Variants in DPYSL2 observed in about 807,000 individuals in gnomAD.
DPYSL2 encodes the protein dihydropyrimidinase like 2, also known as dihydropyrimidinase-related protein 2.
In DPYSL2, 13 loss-of-function variants were observed where a neutral mutation model predicts 69.9. The ratio of observed to expected loss-of-function variants is 0.19; its 90% CI spans 0.12 to 0.30. The LOEUF is 0.30. Ranked by LOEUF, DPYSL2 falls within the 10% of genes least tolerant of loss-of-function variation. The pLI, the probability that DPYSL2 is intolerant of heterozygous loss-of-function variation, is 1.00. For missense variants in DPYSL2, 587 were observed against 918.9 expected (o/e 0.64, Z 4.67); for synonymous variants, 326 against 359.1 (o/e 0.91, Z 1.04).
chr8:26,551,108 T>C (rs926032746), intron 1 of DPYSL2, among the ~76,000 whole-genome samples: 4 of 152,180 alleles, frequency 2.6e-5, no homozygotes, highest in African/African-American at 9.7e-5. Flanking sequence ...AACCCAATTA[T>C]TCTAATCAAA....
chr8:26,560,199 A>G lies in DPYSL2; in HGVS notation c.355-21770A>G, dbSNP rs1031791668. ...CGGCCTTGGCAGCTCACTCTGCCTG[A>G]ACCTGGGTGGCAGGGGCTGCATGTT... On this transcript the variant is annotated intron_variant, in intron 1 of 13. Coordinates refer to ENST00000521913, the MANE Select transcript of DPYSL2 (RefSeq NM_001197293.3). This position sits in a 1 kb window ranked among gnomAD's most constrained non-coding sequence, Gnocchi z 4.4. Among the ~76,000 whole-genome samples the G allele has an allele frequency of 6.6e-6, 1 of 152,172 alleles. No homozygotes were observed. Among genetic ancestry groups the G allele is most frequent in the Non-Finnish European group, 1.5e-5 (1 of 68,030 alleles).
Position 26,575,983 on chromosome 8 carries a change from C to A in DPYSL2, c.355-5986C>A, listed in dbSNP as rs114298522. 7.3e-3 allele frequency among the ~76,000 whole-genome samples: 1,111 copies of A among 152,268 alleles called. 14 individuals carry two copies. Among genetic ancestry groups the A allele is most frequent in the African/African-American group, 0.026 (1,068 of 41,544 alleles). On this transcript the variant is annotated intron_variant, in intron 1 of 13. Coordinates refer to ENST00000521913, the MANE Select transcript of DPYSL2 (RefSeq NM_001197293.3). ...GGCGTATTTTAAGCTTTCTCAGACT[C>A]GTGACTTTAACCATTACCGGTTGAC...
intron 1 of DPYSL2, among the ~76,000 whole-genome samples, chr8:26,538,520 G>A (rs1172124596): frequency 6.6e-6 from 1 of 152,168 alleles, no homozygotes; most frequent in Non-Finnish European, 1.5e-5. Flanking sequence ...TCACTGCCAA[G>A]GAACACTAAC....
chr8:26,599,953 A>G (rs1044337092), intron 3 of DPYSL2, among the ~76,000 whole-genome samples: 1 of 152,158 alleles, frequency 6.6e-6, no homozygotes, highest in African/African-American at 2.4e-5. Context: ...GCCCATGGCA[A>G]CCACTACATT....
chr8:26,623,630 C>T (rs971204907), intron 3 of DPYSL2, among the ~76,000 whole-genome samples: 4 of 152,150 alleles, frequency 2.6e-5, no homozygotes, highest in Admixed American at 6.5e-5. Flanking sequence ...AAAGATTTCC[C>T]TTAAATTACA....
At chr8:26,581,530 G>A (rs1801493555) in intron 1 of DPYSL2, among the ~76,000 whole-genome samples, 1 of 151,830 alleles carries the variant, frequency 6.6e-6, no homozygotes, top group Non-Finnish European at 1.5e-5. Context: ...CCACCACCAT[G>A]CCCAGCCCAT....
chr8:26,601,699 T>G (rs373762984), intron 3 of DPYSL2, among the ~76,000 whole-genome samples: 59 of 152,294 alleles, frequency 3.9e-4, no homozygotes, highest in African/African-American at 1.3e-3. Context: ...GAACTTCAGG[T>G]GCTAATGTTG....
At chr8:26,539,959 A>G (rs1444643633) in intron 1 of DPYSL2, among the ~76,000 whole-genome samples, 1 of 152,216 alleles carries the variant, frequency 6.6e-6, no homozygotes, top group Non-Finnish European at 1.5e-5. Context: ...ACAAACAAAC[A>G]AAAAATCAAG....
At chr8:26,520,417 AT>A (rs997661683) in intron 1 of DPYSL2, among the ~76,000 whole-genome samples, 29 of 149,576 alleles carry the variant, frequency 1.9e-4, no homozygotes, top group Admixed American at 1.2e-3. Flanking sequence ...GATATTAATT[AT>A]TTTTTCTCAT....
chr8:26,536,105 C>CTTT (rs111964513), intron 1 of DPYSL2, among the ~76,000 whole-genome samples: 2 of 139,734 alleles, frequency 1.4e-5, no homozygotes, highest in Non-Finnish European at 1.6e-5. Context: ...TATCTTTTTC[C>CTTT]TTTTTTTTTT....
chr8:26,522,132 AC>A (rs1356132721), intron 1 of DPYSL2, among the ~76,000 whole-genome samples: 1 of 151,734 alleles, frequency 6.6e-6, no homozygotes, highest in African/African-American at 2.4e-5. Flanking sequence ...ACATGGTGAA[AC>A]CCCATCTCTA....
intron 7 of DPYSL2, among the ~76,000 whole-genome samples, chr8:26,630,045 ACG>A (rs200656288): frequency 0.021 from 3,237 of 152,352 alleles, 104 homozygotes; most frequent in African/African-American, 0.072. Flanking sequence ...ATTTTAGCAT[ACG>A]CACATGTGCA....
Position 26,564,342 on chromosome 8 carries a change from G to C in DPYSL2, c.355-17627G>C, listed in dbSNP as rs1180775393. On this transcript the variant is annotated intron_variant, in intron 1 of 13. Coordinates refer to ENST00000521913, the MANE Select transcript of DPYSL2 (RefSeq NM_001197293.3). This position sits in a 1 kb window ranked among gnomAD's most constrained non-coding sequence, Gnocchi z 4.8. ...GTAGGAACAGCAAGGCAGGGCAATC[G>C]TGGTGAGGAGCACAGGGCCAGGGAG... Among the ~76,000 whole-genome samples, 11 of 152,146 alleles carry C rather than the reference G, an allele frequency of 7.2e-5. No homozygotes were observed. The highest frequency in any genetic ancestry group is 2.4e-4 in the African/African-American group (10 of 41,422).
chr8:26,523,804 G>A (rs75391482), intron 1 of DPYSL2, among the ~76,000 whole-genome samples: 9,990 of 152,172 alleles, frequency 0.066, 376 homozygotes, highest in South Asian at 0.18. Flanking sequence ...GGGATTACAG[G>A]CATAAGCCAC....
intron 3 of DPYSL2, among the ~76,000 whole-genome samples, chr8:26,599,556 A>G (rs1347653007): frequency 3.2e-5 from 2 of 62,714 alleles, no homozygotes; most frequent in South Asian, 6.0e-4. Flanking sequence ...CCCTCCCTCC[A>G]CTCCTCTCCC....
At chr8:26,536,818 C>T (rs61160809) in intron 1 of DPYSL2, among the ~76,000 whole-genome samples, 6,268 of 152,210 alleles carry the variant, frequency 0.041, 249 homozygotes, top group African/African-American at 0.1. Flanking sequence ...AAAAGAGAGA[C>T]ATTTGCAAAT....
In DPYSL2 at chr8:26,605,398, G is replaced by C. The variant is rs750677546; in HGVS notation, c.629-18745G>C. Among the ~76,000 whole-genome samples, 10 of 151,990 alleles carry C rather than the reference G, an allele frequency of 6.6e-5. No homozygotes were observed. The highest frequency in any genetic ancestry group is 1.3e-4 in the Non-Finnish European group (9 of 68,012). On this transcript the variant is annotated intron_variant, in intron 3 of 13. Coordinates refer to ENST00000521913, the MANE Select transcript of DPYSL2 (RefSeq NM_001197293.3). The surrounding 1 kb of genome is among the most constrained non-coding windows in gnomAD (Gnocchi z 4.1). ...GCTCCCGGGTTCAAGTGATTCTCTT[G>C]CCTCAGCCTCTCAAGTAGAGTAGCC... is the stretch of plus-strand genomic sequence containing the variant.
chr8:26,558,310 T>C lies in DPYSL2; in HGVS notation c.355-23659T>C, dbSNP rs553436386. 2.0e-5 allele frequency among the ~76,000 whole-genome samples: 3 copies of C among 152,212 alleles called. No homozygotes were observed. In the South Asian group the frequency reaches 6.2e-4, roughly 32 times the overall value. ...TTAAAAGAAATGAAGGAACCTTAAG[T>C]ATTTATTGCTGATTGAAAGAAGCCT... On this transcript the variant is annotated intron_variant, in intron 1 of 13. Transcript: ENST00000521913.
At chr8:26,601,887 G>A (rs1437924654) in intron 3 of DPYSL2, among the ~76,000 whole-genome samples, 4 of 152,236 alleles carry the variant, frequency 2.6e-5, no homozygotes, top group Admixed American at 6.5e-5. Context: ...ATAGTGGTGC[G>A]AAAGCAGGGA....
Sources: gnomAD v4.1 joint callset for allele counts (sites outside exome capture counted in the v4.1 genomes callset) on GRCh38, gnomAD v4.1.1 for gene constraint, Gnocchi (gnomAD v3.1) non-coding constraint, MANE v1.5 for transcripts, NCBI Gene and HGNC (gene_info 2026-07-23, HGNC 2026-07-21) for gene names.